SDSL: variants seen among roughly 807,000 people sequenced by gnomAD.
The protein encoded by SDSL is serine dehydratase like.
SDSL carries 26 observed loss-of-function variants against 27.6 expected under a neutral mutation model. That is an observed-to-expected ratio of 0.94 (90% confidence interval 0.69 to 1.31). SDSL has a LOEUF of 1.31. SDSL is among the 50% of genes most tolerant of loss of function. The probability of loss-of-function intolerance (pLI) is 0.00; values close to 1 mark genes in which losing one functional copy is unlikely to be tolerated. For synonymous variants in SDSL, 196 were observed against 180.6 expected, an observed-to-expected ratio of 1.09 and a Z score of -0.69; for missense variants, 431 against 423.5, an observed-to-expected ratio of 1.02 and a Z score of -0.16.
At chr12:113,433,987 C>T (rs1449668484) in intron 4 of SDSL, 147 bp from the exon 5 acceptor site, 2 of 580,182 alleles carry the variant, frequency 3.4e-6, no homozygotes, top group African/African-American at 1.8e-5. Context: ...CAGGAGGCCT[C>T]TGGGCCCACA....
At chr12:113,432,253 TTTCTTTCTTTCTTTC>T (rs1463597782) in intron 4 of SDSL, among the ~76,000 whole-genome samples, 10 of 142,932 alleles carry the variant, frequency 7.0e-5, no homozygotes, top group Admixed American at 1.4e-4. Flanking sequence ...TCTTTCTTTC[TTTCTTTCTTTCTTTC>T]TTTCTTTCTT....
chr12:113,438,142 G>A lies in SDSL; in HGVS notation c.*63G>A, dbSNP rs1163447489. 1.1e-5 allele frequency: 16 copies of A among 1,398,310 alleles called. No individual in the cohort carries two copies. The highest frequency in any genetic ancestry group is 2.3e-5 in the East Asian group (1 of 43,088). 86.6% of individuals were successfully genotyped at this position (1,398,310 alleles called of 1,614,324 possible). ...CATGGACAGTCCTGTGTCTGGATGAGGAGGACTCAGTGCTGGCAGATGGCA... is the reference window on the plus strand; with the variant it reads ...CATGGACAGTCCTGTGTCTGGATGAAGAGGACTCAGTGCTGGCAGATGGCA... On this transcript the variant is annotated 3_prime_UTR_variant, in exon 8 of 8. Transcript: ENST00000403593.
In SDSL at chr12:113,428,129, T is replaced by A; in HGVS notation, c.147T>A (p.Ile49=). ...TGCAGCCCAGCGGCTCCTTCAAGAT[T>A]CGGGGCATTGGGCATTTCTGCCAGG... ...ENVQPSGSFK[I]RGIGHFCQEM... The change falls in exon 2 of 8, where the codon ATT becomes ATA. Residue 49 remains isoleucine, a synonymous_variant. Transcript: ENST00000403593. 3 of 1,612,838 alleles carry A rather than the reference T, an allele frequency of 1.9e-6. No homozygotes were observed. Among genetic ancestry groups the A allele is most frequent in the Non-Finnish European group, 2.5e-6 (3 of 1,179,528 alleles).
At chr12:113,425,702 C>G (rs762892875) in intron 1 of SDSL, 49 of 455,846 alleles carry the variant, frequency 1.1e-4, no homozygotes, top group South Asian at 7.3e-4. Context: ...GGCTTCAAAC[C>G]TCTCAAAGGG....
intron 6 of SDSL, among the ~76,000 whole-genome samples, chr12:113,436,036 G>A (rs1364213766): frequency 6.6e-6 from 1 of 152,156 alleles, no homozygotes; most frequent in Non-Finnish European, 1.5e-5. Context: ...CGGAAGGTTT[G>A]CTTGAGCCCA....
intron 1 of SDSL, among the ~76,000 whole-genome samples, chr12:113,424,472 A>G (rs1957825665): frequency 6.6e-6 from 1 of 152,122 alleles, no homozygotes; most frequent in Non-Finnish European, 1.5e-5. Flanking sequence ...TTGTTTGTCT[A>G]TGCAGTTATT....
intron 4 of SDSL, 54 bp downstream of exon 4, chr12:113,429,353 C>A: frequency 6.5e-7 from 1 of 1,548,110 alleles, no homozygotes; most frequent in Non-Finnish European, 8.8e-7. Flanking sequence ...TCCTTCACCT[C>A]ACCCCACCCC....
chr12:113,429,837 T>C (rs1372088602), intron 4 of SDSL, among the ~76,000 whole-genome samples: 1 of 152,144 alleles, frequency 6.6e-6, no homozygotes, highest in Non-Finnish European at 1.5e-5. Flanking sequence ...AAATTAAAAC[T>C]AAAAGCCAAA....
chr12:113,432,240 CTTTCT>C (rs1957934027), intron 4 of SDSL, among the ~76,000 whole-genome samples: 1 of 131,964 alleles, frequency 7.6e-6, no homozygotes, highest in Non-Finnish European at 1.6e-5. Flanking sequence ...TTCTTTCTTT[CTTTCT>C]TTCTTTCTTT....
At chr12:113,432,260 CTTTCT>C (rs1193929623) in intron 4 of SDSL, among the ~76,000 whole-genome samples, 3 of 137,584 alleles carry the variant, frequency 2.2e-5, no homozygotes, top group African/African-American at 8.8e-5. Flanking sequence ...TTCTTTCTTT[CTTTCT>C]TTCTTTCTTT....
intron 4 of SDSL, among the ~76,000 whole-genome samples, chr12:113,432,220 CTTT>C (rs1957931642): frequency 1.5e-4 from 1 of 6,722 alleles, no homozygotes; most frequent in South Asian, 6.2e-3. Context: ...TTCTTTCTTT[CTTT>C]CTTTCTTTCT....
chr12:113,426,158 C>G (rs12831817), intron 1 of SDSL: 28,462 of 455,756 alleles, frequency 0.062, 1,664 homozygotes, highest in African/African-American at 0.22. Context: ...ACCTCCTGCC[C>G]CAAACCCCTT....
rs772309440 is a variant in SDSL, at chr12:113,428,034, A to G, written c.52A>G (p.Thr18Ala). The change falls in exon 2 of 8, where the codon ACA (threonine) becomes GCA (alanine). Residue 18 changes from threonine (T) to alanine (A), a missense_variant. Physicochemically the swap from Thr to Ala is moderately conservative, Grantham distance 58. Coordinates refer to ENST00000403593, the MANE Select transcript of SDSL (RefSeq NM_001304993.2). ...CAAGCAGGAGCCCTTTCACGTGGTC[A>G]CACCTCTGTTGGAGAGCTGGGCGCT... ...HAKQEPFHVV[T>A]PLLESWALSQ... The G allele has an allele frequency of 1.2e-6, 2 of 1,613,714 alleles. No individual in the cohort carries two copies. Among genetic ancestry groups the G allele is most frequent in the East Asian group, 4.5e-5 (2 of 44,892 alleles).
chr12:113,437,114 G>A (rs542622630), intron 7 of SDSL: 59 of 297,930 alleles, frequency 2.0e-4, no homozygotes, highest in Non-Finnish European at 3.4e-4. Flanking sequence ...GGCTGGCCCT[G>A]CTCCCTATTG....
intron 5 of SDSL, among the ~76,000 whole-genome samples, chr12:113,434,620 G>A (rs978023278): frequency 4.6e-5 from 7 of 152,168 alleles, no homozygotes; most frequent in African/African-American, 1.4e-4. Flanking sequence ...AACTTGCCCC[G>A]GATCACACAG....
At chr12:113,432,227 T>TCTTCCTTC (rs1957932408) in intron 4 of SDSL, among the ~76,000 whole-genome samples, 1 of 59,488 alleles carries the variant, frequency 1.7e-5, no homozygotes, top group Admixed American at 1.5e-4. Flanking sequence ...TTTCTTTCTT[T>TCTTCCTTC]CTTTCTTTCT....
chr12:113,428,258 GA>G lies in SDSL; in HGVS notation c.174+104del, dbSNP rs1957875720. The G allele has an allele frequency of 3.0e-6, 4 of 1,348,780 alleles. No individual in the cohort carries two copies. The African/African-American group carries it at 5.8e-5, about 19-fold the overall frequency. The allele number at this position is 1,348,780 out of a possible 1,614,324, so 83.6% of individuals were successfully genotyped here. A position where few individuals can be genotyped will look rare whatever the true frequency, so the allele number is the denominator to read the frequency against. On this transcript the variant is annotated intron_variant, in intron 2 of 7. Transcript: ENST00000403593. ...CGGGTTCGGGCAGGAGGGGAAACAT[GA>G]ACTCGTGCAGATGGGAGGGGAAAGG...
At chr12:113,432,402 C>T (rs1277748687) in intron 4 of SDSL, among the ~76,000 whole-genome samples, 3 of 151,932 alleles carry the variant, frequency 2.0e-5, no homozygotes, top group Non-Finnish European at 4.4e-5. Context: ...AGCGCAGTGG[C>T]GCCATCTTGG....
intron 4 of SDSL, among the ~76,000 whole-genome samples, chr12:113,431,403 A>G (rs1409203387): frequency 6.6e-6 from 1 of 152,178 alleles, no homozygotes; most frequent in African/African-American, 2.4e-5. Context: ...GGGGCCCTAC[A>G]GGTGAGAGAT....
Sources: allele counts gnomAD v4.1 joint callset (sites outside exome capture counted in the v4.1 genomes callset), GRCh38; gene constraint gnomAD v4.1.1; transcripts MANE v1.5; gene names NCBI Gene and HGNC (gene_info 2026-07-23, HGNC 2026-07-21).